The following ACAT1 variants were observed in gnomAD, a reference collection of about 807,000 sequenced individuals.
ACAT1 encodes the protein acetyl-CoA acetyltransferase, mitochondrial.
A neutral mutation model predicts 47.3 loss-of-function variants in ACAT1; 28 were observed. That is an observed-to-expected ratio of 0.59 (90% CI 0.44 to 0.81). ACAT1 has a LOEUF of 0.81. ACAT1 is among the 30% of genes least tolerant of loss of function. ACAT1 has a pLI of 0.00. For missense variants in ACAT1, 469 were observed against 524.3 expected (o/e 0.89, Z 1.03); for synonymous variants, 181 against 173.6 (o/e 1.04, Z -0.34).
chr11:108,132,109 T>C (rs2077372132), intron 2 of ACAT1, among the ~76,000 whole-genome samples, 155 bp downstream of exon 2: 1 of 152,226 alleles, frequency 6.6e-6, no homozygotes, highest in East Asian at 1.9e-4. Flanking sequence ...TTAAAGTAGA[T>C]GACTATAATA....
intron 9 of ACAT1, chr11:108,142,810 C>T: frequency 6.6e-6 from 3 of 456,448 alleles, no homozygotes; most frequent in Non-Finnish European, 1.2e-5. Flanking sequence ...GCACTCCAGC[C>T]TGGGTGACAG....
At chr11:108,119,932 C>T (rs765406290), upstream of ACAT1, among the ~76,000 whole-genome samples, 4 of 152,102 alleles carry the variant, frequency 2.6e-5, no homozygotes, top group Non-Finnish European at 4.4e-5. Context: ...AAAAATTACC[C>T]TGGCCGCGTG....
At chr11:108,123,443 C>T (rs2135290787) in intron 1 of ACAT1, among the ~76,000 whole-genome samples, 1 of 152,302 alleles carries the variant, frequency 6.6e-6, no homozygotes, top group East Asian at 1.9e-4. Flanking sequence ...TTTGACCTCT[C>T]ATTACATTGG....
chr11:108,133,067 C>T (rs1242374351), intron 2 of ACAT1, among the ~76,000 whole-genome samples: 1 of 151,876 alleles, frequency 6.6e-6, no homozygotes, highest in African/African-American at 2.4e-5. Flanking sequence ...TGCCTGTAAT[C>T]CCAACTACTC....
chr11:108,140,048 T>C lies in ACAT1; in HGVS notation c.580-17T>C. 1 of 1,609,466 alleles carries C rather than the reference T, an allele frequency of 6.2e-7. No individual in the cohort carries two copies. The highest frequency in any genetic ancestry group is 8.5e-7 in the Non-Finnish European group (1 of 1,177,274). On this transcript the variant is annotated splice_polypyrimidine_tract_variant and intron_variant, in intron 6 of 11. Transcript: ENST00000265838. ...ATTATGCAAAGTTAACTTTAAAATA[T>C]TTCAACTTTTTATCAGGGCAGCTGT...
At chr11:108,122,123 G>A (rs368522514) in intron 1 of ACAT1, among the ~76,000 whole-genome samples, 1 of 152,224 alleles carries the variant, frequency 6.6e-6, no homozygotes, top group Non-Finnish European at 1.5e-5. Flanking sequence ...TAATCATTGG[G>A]CATACAAGGG....
chr11:108,134,262 G>A lies in ACAT1; in HGVS notation c.280G>A (p.Val94Ile), dbSNP rs1265108622. 6.2e-7 allele frequency: 1 copy of A among 1,612,586 alleles called. No individual in the cohort carries two copies. The highest frequency in any genetic ancestry group is 8.5e-7 in the Non-Finnish European group (1 of 1,179,438). ...AGTGAAAGAAGCATACATGGGTAAT[G>A]TTCTACAAGGAGGTGAAGGACAAGC... ...EEVKEAYMGN[V>I]LQGGEGQAPT... is the part of the protein sequence containing the mutation. The change falls in exon 4 of 12, where the codon GTT becomes ATT. Residue 94 changes from valine to isoleucine, a missense_variant. By Grantham distance (29) the Val-to-Ile change is conservative (BLOSUM62 3). Coordinates refer to ENST00000265838, the MANE Select transcript of ACAT1 (RefSeq NM_000019.4).
intron 9 of ACAT1, chr11:108,142,802 A>C (rs1591371504): frequency 2.1e-6 from 1 of 469,324 alleles, no homozygotes; most frequent in South Asian, 2.1e-5. Context: ...GTACCACTGC[A>C]CTCCAGCCTG....
At chr11:108,144,644 T>TA (rs1432684666) in intron 10 of ACAT1, among the ~76,000 whole-genome samples, 7 of 151,364 alleles carry the variant, frequency 4.6e-5, no homozygotes, top group African/African-American at 7.3e-5. Context: ...AGCACCCAGA[T>TA]AAAAAAAATT....
At chr11:108,121,222 A>C, upstream of ACAT1, 2 of 306,554 alleles carry the variant, frequency 6.5e-6, no homozygotes, top group Non-Finnish European at 1.3e-5. Context: ...AAAAAATCCT[A>C]AAATATTTTC....
chr11:108,142,388 C>A, intron 8 of ACAT1, 49 bp from the exon 9 acceptor site: 1 of 1,407,462 alleles, frequency 7.1e-7, no homozygotes, highest in Non-Finnish European at 1.0e-6. Context: ...GAACCAAATA[C>A]ATTTATTGTG....
intron 1 of ACAT1, among the ~76,000 whole-genome samples, chr11:108,130,739 T>C (rs913308900): frequency 1.6e-4 from 24 of 151,466 alleles, no homozygotes; most frequent in African/African-American, 5.6e-4. Flanking sequence ...GTGTCCTGCG[T>C]TGTCAGAATT....
At chr11:108,139,888 T>C in intron 6 of ACAT1, 177 bp from the exon 7 acceptor site, 1 of 636,010 alleles carries the variant, frequency 1.6e-6, no homozygotes, top group East Asian at 3.3e-5. Context: ...CCTGACCTCA[T>C]GATCTGCCTG....
upstream of ACAT1, among the ~76,000 whole-genome samples, chr11:108,119,229 A>C (rs111448428): frequency 1.3e-5 from 2 of 151,678 alleles, no homozygotes; most frequent in Admixed American, 1.3e-4. Flanking sequence ...TTTGAGACAC[A>C]GTCTCATTCT....
intron 6 of ACAT1, 100 bp downstream of exon 6, chr11:108,139,141 T>G (rs548986037): frequency 1.4e-6 from 2 of 1,461,904 alleles, no homozygotes; most frequent in Non-Finnish European, 1.9e-6. Flanking sequence ...AGATGGGCTC[T>G]ATAAATGTTG....
intron 1 of ACAT1, among the ~76,000 whole-genome samples, chr11:108,130,424 C>T (rs928631235): frequency 3.3e-5 from 5 of 151,972 alleles, no homozygotes; most frequent in African/African-American, 9.7e-5. Flanking sequence ...TTTTGAGACT[C>T]GCTCTGTCGC....
upstream of ACAT1, chr11:108,121,400 A>C (rs1591349891): frequency 1.6e-6 from 1 of 623,574 alleles, no homozygotes; most frequent in Non-Finnish European, 2.9e-6. Flanking sequence ...CACGTCCTTC[A>C]CTCGTCAACC....
chr11:108,142,212 C>T (rs2077603865), intron 8 of ACAT1, among the ~76,000 whole-genome samples: 1 of 152,190 alleles, frequency 6.6e-6, no homozygotes. Flanking sequence ...TGCCATCATG[C>T]ATGTTTGTGA....
At chr11:108,144,270 G>A (rs1033484036) in intron 10 of ACAT1, 1 of 565,712 alleles carries the variant, frequency 1.8e-6, no homozygotes. Flanking sequence ...AGTAGAACAG[G>A]TAAAACTACA....
Sources: gnomAD v4.1 joint callset for allele counts (sites outside exome capture counted in the v4.1 genomes callset) on GRCh38, gnomAD v4.1.1 for gene constraint, MANE v1.5 for transcripts, NCBI Gene and HGNC (gene_info 2026-07-23, HGNC 2026-07-21) for gene names.